The following NELL1 variants were observed in gnomAD, a reference collection of about 807,000 sequenced individuals.
NELL1 encodes the protein neural EGFL like 1, also known as protein kinase C-binding protein NELL1.
NELL1 carries 76 observed loss-of-function variants against 107.4 expected under a neutral mutation model. The ratio of observed to expected loss-of-function variants is 0.71; its 90% confidence interval spans 0.59 to 0.86. NELL1 has a LOEUF of 0.86. NELL1 is among the 40% of genes least tolerant of loss of function. The pLI, the probability that NELL1 is intolerant of heterozygous loss-of-function variation, is 0.00. For missense variants in NELL1, 1,024 were observed against 1,005.5 expected, an observed-to-expected ratio of 1.02 and a Z score of -0.25; for synonymous variants, 353 against 341.2, an observed-to-expected ratio of 1.03 and a Z score of -0.38.
intron 12 of NELL1, among the ~76,000 whole-genome samples, chr11:21,059,994 C>T (rs1253495957): frequency 6.6e-6 from 1 of 152,130 alleles, no homozygotes; most frequent in Non-Finnish European, 1.5e-5. Context: ...CTCAAGAGCC[C>T]ATCTGCCTGG....
At chr11:21,142,454 G>C (rs1454010) in intron 13 of NELL1, among the ~76,000 whole-genome samples, 37,811 of 152,160 alleles carry the variant, frequency 0.25, 4,924 homozygotes, top group Middle Eastern at 0.34. Context: ...TAGATAAATT[G>C]TTGGTAGCTT....
At chr11:20,948,186 A>G (rs1851002107) in intron 11 of NELL1, among the ~76,000 whole-genome samples, 2 of 151,916 alleles carry the variant, frequency 1.3e-5, no homozygotes, top group South Asian at 4.2e-4. Flanking sequence ...GGGACTTCAC[A>G]GGCATACACC....
chr11:20,707,343 A>G (rs1008262635), intron 2 of NELL1, among the ~76,000 whole-genome samples: 31 of 146,350 alleles, frequency 2.1e-4, no homozygotes, highest in African/African-American at 5.1e-4. Flanking sequence ...GTTATTACCA[A>G]TCGTCTGAAG....
intron 9 of NELL1, among the ~76,000 whole-genome samples, chr11:20,933,378 G>C (rs896168924): frequency 6.6e-6 from 1 of 152,236 alleles, no homozygotes; most frequent in African/African-American, 2.4e-5. Context: ...GCCTGTGGGA[G>C]ACTCACGGTG....
At chr11:21,333,599 C>T (rs886444418) in intron 14 of NELL1, among the ~76,000 whole-genome samples, 5 of 151,980 alleles carry the variant, frequency 3.3e-5, no homozygotes, top group Non-Finnish European at 1.5e-5. Context: ...TGGTTCCCAT[C>T]GATACATCTC....
rs377397455 is a variant in NELL1 at position 21,272,679 on chromosome 11, C to T, written c.1549+43225C>T. 1.2e-4 allele frequency among the ~76,000 whole-genome samples: 19 copies of T among 152,194 alleles called. 1 individual carries two copies. In the East Asian group the frequency reaches 2.1e-3, roughly 17 times the overall value. On this transcript the variant is annotated intron_variant, in intron 14 of 19. Transcript: ENST00000357134. ...AGTAGGGGCAGACTGACACCTCACACGGCCTGGTACTCCTCTCACACAAAA... is the reference window on the plus strand; with the variant it reads ...AGTAGGGGCAGACTGACACCTCACATGGCCTGGTACTCCTCTCACACAAAA...
intron 16 of NELL1, among the ~76,000 whole-genome samples, chr11:21,537,895 T>C (rs1813747654): frequency 6.6e-6 from 1 of 152,262 alleles, no homozygotes; most frequent in African/African-American, 2.4e-5. Context: ...AAAATGTTTA[T>C]TGAGAACAAC....
chr11:20,860,782 T>A (rs1848964323), intron 4 of NELL1, among the ~76,000 whole-genome samples: 1 of 152,224 alleles, frequency 6.6e-6, no homozygotes, highest in Non-Finnish European at 1.5e-5. Flanking sequence ...TGAATTTACA[T>A]GTGGCCTGTG....
In NELL1 at chr11:20,956,462, C is replaced by T. The variant is rs186098510; in HGVS notation, c.1172-3970C>T. Among the ~76,000 whole-genome samples, 228 of 151,838 alleles carry T rather than the reference C, an allele frequency of 1.5e-3. 1 individual carries two copies. Among genetic ancestry groups the T allele is most frequent in the Non-Finnish European group, 2.4e-3 (160 of 67,928 alleles). ...GAGATTGAGACTGTCCTGGCTATCA[C>T]GGTGAAACCCCGTCTCTACTAAAAA... is the stretch of plus-strand genomic sequence containing the variant. On this transcript the variant is annotated intron_variant, in intron 11 of 19. Transcript: ENST00000357134.
chr11:21,076,969 C>G (rs1240347717), intron 12 of NELL1, among the ~76,000 whole-genome samples: 1 of 152,078 alleles, frequency 6.6e-6, no homozygotes, highest in Non-Finnish European at 1.5e-5. Context: ...TGCAGAACCA[C>G]GAGCCAAATA....
intron 12 of NELL1, among the ~76,000 whole-genome samples, chr11:21,049,148 A>G (rs1023084596): frequency 1.4e-4 from 22 of 152,144 alleles, no homozygotes; most frequent in African/African-American, 5.1e-4. Flanking sequence ...TAGTCATTGG[A>G]TGTACCCCCT....
chr11:21,282,801 A>G (rs1466254799), intron 14 of NELL1, among the ~76,000 whole-genome samples: 1 of 152,212 alleles, frequency 6.6e-6, no homozygotes, highest in Non-Finnish European at 1.5e-5. Context: ...GAATAGACAA[A>G]GAAAATGAGG....
At chr11:21,326,593 T>A (rs1044247405) in intron 14 of NELL1, among the ~76,000 whole-genome samples, 3 of 152,130 alleles carry the variant, frequency 2.0e-5, no homozygotes, top group Admixed American at 2.0e-4. Flanking sequence ...TATTTTTTTG[T>A]TTGGATCCAA....
intron 14 of NELL1, among the ~76,000 whole-genome samples, chr11:21,278,417 T>G (rs986834607): frequency 5.3e-5 from 8 of 152,170 alleles, no homozygotes; most frequent in African/African-American, 1.9e-4. Flanking sequence ...AAATCCCTTC[T>G]GAAACTAGTA....
At chr11:20,684,863 G>A (rs1727743681) in intron 2 of NELL1, among the ~76,000 whole-genome samples, 1 of 152,052 alleles carries the variant, frequency 6.6e-6, no homozygotes, top group Non-Finnish European at 1.5e-5. Context: ...CCCAGTGACT[G>A]ATAAGTCATG....
intron 13 of NELL1, among the ~76,000 whole-genome samples, chr11:21,190,160 C>G (rs1857018945): frequency 1.3e-5 from 2 of 151,826 alleles, no homozygotes; most frequent in African/African-American, 4.9e-5. Flanking sequence ...TGAGACCAGC[C>G]TGACCAACAT....
intron 11 of NELL1, among the ~76,000 whole-genome samples, chr11:20,956,515 G>A (rs979819249): frequency 2.0e-5 from 3 of 150,736 alleles, no homozygotes; most frequent in Admixed American, 6.6e-5. Context: ...GCATGGTGGC[G>A]GGCGCCCGTA....
At chr11:20,759,368 T>C (rs1424382196) in intron 2 of NELL1, among the ~76,000 whole-genome samples, 2 of 152,204 alleles carry the variant, frequency 1.3e-5, no homozygotes, top group Non-Finnish European at 2.9e-5. Context: ...GAAGATCACA[T>C]TGAAATGCTG....
chr11:21,093,276 G>C (rs947332710), intron 12 of NELL1, among the ~76,000 whole-genome samples: 1 of 152,154 alleles, frequency 6.6e-6, no homozygotes, highest in African/African-American at 2.4e-5. Context: ...AAACTGTAGG[G>C]ATTATTCTGG....
Sources: gnomAD v4.1 joint callset for allele counts (sites outside exome capture counted in the v4.1 genomes callset) on GRCh38, gnomAD v4.1.1 for gene constraint, MANE v1.5 for transcripts, NCBI Gene and HGNC (gene_info 2026-07-23, HGNC 2026-07-21) for gene names.